ADGRL3: variants seen among roughly 807,000 people sequenced by gnomAD.
ADGRL3 encodes the protein calcium-independent alpha-latrotoxin receptor 3.
Under a neutral mutation model 153.5 loss-of-function variants are expected in ADGRL3, and 62 were observed. The observed-to-expected ratio is 0.40, with a 90% CI of 0.33 to 0.50. The LOEUF is 0.50. Ranked by LOEUF, ADGRL3 falls within the 20% of genes least tolerant of loss-of-function variation. The probability of loss-of-function intolerance (pLI) is 0.47; values close to 1 mark genes in which losing one functional copy is unlikely to be tolerated. For synonymous variants in ADGRL3, 710 were observed against 672.5 expected, an observed-to-expected ratio of 1.06 and a Z score of -0.86; for missense variants, 1,641 against 1,859.4, an observed-to-expected ratio of 0.88 and a Z score of 2.16.
chr4:61,908,279 C>A (rs1460635284), intron 11 of ADGRL3, among the ~76,000 whole-genome samples: 1 of 151,870 alleles, frequency 6.6e-6, no homozygotes. Context: ...GACAGTGAGA[C>A]CCTGTCTTAC....
intron 1 of ADGRL3, among the ~76,000 whole-genome samples, chr4:61,238,287 C>T (rs1753592017): frequency 6.6e-6 from 1 of 152,134 alleles, no homozygotes; most frequent in Admixed American, 6.6e-5. Flanking sequence ...TGTGGTACTA[C>T]ATTTTAACAA....
intron 17 of ADGRL3, among the ~76,000 whole-genome samples, chr4:61,966,043 A>T (rs2099005293): frequency 6.6e-6 from 1 of 152,208 alleles, no homozygotes; most frequent in African/African-American, 2.4e-5. Context: ...TCTGCTTAAA[A>T]TGCAATACAT....
At chr4:61,467,800 T>C (rs1343617697) in intron 2 of ADGRL3, among the ~76,000 whole-genome samples, 1 of 152,154 alleles carries the variant, frequency 6.6e-6, no homozygotes. Context: ...CCTAACTACA[T>C]CATATTACTT....
intron 1 of ADGRL3, among the ~76,000 whole-genome samples, chr4:61,328,986 C>T (rs2095518776): frequency 6.6e-6 from 1 of 152,036 alleles, no homozygotes; most frequent in African/African-American, 2.4e-5. Context: ...TTAGGACTGA[C>T]CTGGTTGAAA....
At chr4:61,974,676 A>G (rs1469945817) in intron 17 of ADGRL3, among the ~76,000 whole-genome samples, 5 of 152,224 alleles carry the variant, frequency 3.3e-5, no homozygotes. Context: ...AACAATGACT[A>G]AATTGAAGTG....
chr4:62,070,478 C>G lies in ADGRL3; in HGVS notation c.4202C>G (p.Ala1401Gly). 6.4e-7 allele frequency: 1 copy of G among 1,551,518 alleles called. No individual in the cohort carries two copies. The highest frequency in any genetic ancestry group is 8.7e-7 in the Non-Finnish European group (1 of 1,146,962). Residue 1401 changes from alanine (A) to glycine (G), a missense_variant, in exon 27 of 27, where the codon GCT becomes GGT. Physicochemically the swap from Ala to Gly is moderately conservative, Grantham distance 60 (BLOSUM62 0). This residue lies in a region of ADGRL3 where 517 missense variants were observed against 555.0 expected (regional missense o/e 0.93). Coordinates refer to ENST00000683033, the MANE Select transcript of ADGRL3 (RefSeq NM_001387552.1). ...GAACTCATTCATGAGGAATCTGATG[C>G]TCCTTTGCTGCCCCCAAGAGTATAC... ...GLELIHEESD[A>G]PLLPPRVYST... is the part of the protein sequence containing the mutation.
At chr4:61,257,527 A>T (rs2092086613) in intron 1 of ADGRL3, among the ~76,000 whole-genome samples, 2 of 152,154 alleles carry the variant, frequency 1.3e-5, no homozygotes, top group Non-Finnish European at 2.9e-5. Context: ...TGTGTATTTA[A>T]GAAGATTAGG....
At chr4:61,711,480 A>G (rs2095986493) in intron 6 of ADGRL3, among the ~76,000 whole-genome samples, 1 of 103,778 alleles carries the variant, frequency 9.6e-6, no homozygotes, top group East Asian at 4.2e-4. Flanking sequence ...ATATATATAT[A>G]TATATATATA....
At chr4:61,703,528 G>A (rs1406580823) in intron 6 of ADGRL3, among the ~76,000 whole-genome samples, 1 of 151,916 alleles carries the variant, frequency 6.6e-6, no homozygotes, top group Non-Finnish European at 1.5e-5. Flanking sequence ...AATGAAAACT[G>A]CTTATTCTTT....
At chr4:61,935,850 G>A in intron 14 of ADGRL3, 73 bp from the exon 15 acceptor site, 4 of 1,344,694 alleles carry the variant, frequency 3.0e-6, no homozygotes, top group Non-Finnish European at 4.0e-6. Flanking sequence ...CAGAAATACT[G>A]CAATGGTTTA....
chr4:61,820,989 C>T (rs1210841063), intron 9 of ADGRL3, among the ~76,000 whole-genome samples: 1 of 152,092 alleles, frequency 6.6e-6, no homozygotes, highest in South Asian at 2.1e-4. Flanking sequence ...TAAGCAGAGG[C>T]ATATATTATT....
At chr4:61,718,409 C>T (rs543108991) in intron 6 of ADGRL3, among the ~76,000 whole-genome samples, 16 of 152,172 alleles carry the variant, frequency 1.1e-4, no homozygotes, top group African/African-American at 3.6e-4. Context: ...ATGAAGCAGT[C>T]GTTAAACATA....
At chr4:61,805,483 G>C (rs1488458034) in intron 8 of ADGRL3, among the ~76,000 whole-genome samples, 1 of 152,092 alleles carries the variant, frequency 6.6e-6, no homozygotes, top group African/African-American at 2.4e-5. Flanking sequence ...TACTCTTGTT[G>C]TTAGCTTCTG....
intron 2 of ADGRL3, among the ~76,000 whole-genome samples, chr4:61,478,045 T>G (rs1310210782): frequency 1.3e-5 from 2 of 152,098 alleles, no homozygotes; most frequent in Admixed American, 6.5e-5. Context: ...TAAAAATGTC[T>G]TAAAAGTCAC....
In ADGRL3 at chr4:61,492,020, A is replaced by AAAC. The variant is rs1560723269; in HGVS notation, c.-173-5099_-173-5098insCAA. ...GATTTCCCTCTATGGAACAATGAAA[A>AAAC]AAACAAACAAACAAACAAACAAACA... On this transcript the variant is annotated intron_variant, in intron 2 of 26. Transcript: ENST00000683033. Among the ~76,000 whole-genome samples, 335 of 150,686 alleles carry AAAC rather than the reference A, an allele frequency of 2.2e-3. 2 individuals are homozygous for AAAC. The highest frequency in any genetic ancestry group is 2.1e-3 in the Non-Finnish European group (141 of 67,618).
chr4:61,352,400 T>A (rs2151338170), intron 1 of ADGRL3, among the ~76,000 whole-genome samples: 1 of 152,246 alleles, frequency 6.6e-6, no homozygotes, highest in Middle Eastern at 3.4e-3. Flanking sequence ...TAACCTTTTT[T>A]TTTTTTGAGA....
At chr4:62,053,710 T>A (rs994491690) in intron 25 of ADGRL3, among the ~76,000 whole-genome samples, 2 of 151,594 alleles carry the variant, frequency 1.3e-5, no homozygotes, top group African/African-American at 4.8e-5. Flanking sequence ...TTATCAAAAA[T>A]CTCTTTATTC....
chr4:61,402,458 G>A lies in ADGRL3; in HGVS notation c.-174+19269G>A, dbSNP rs556550885. On this transcript the variant is annotated intron_variant, in intron 2 of 26. Transcript: ENST00000683033. ...TAAGTAGCACTGTTTTAACACATAC[G>A]AATTTTATTCAAGTTGAGAGCTAGA... Among the ~76,000 whole-genome samples, 47 of 152,098 alleles carry A rather than the reference G, an allele frequency of 3.1e-4. No homozygotes were observed. The Middle Eastern group carries it at 0.01, about 33-fold the overall frequency.
chr4:61,419,233 A>T (rs1204656029), intron 2 of ADGRL3, among the ~76,000 whole-genome samples: 1 of 150,886 alleles, frequency 6.6e-6, no homozygotes, highest in Admixed American at 6.6e-5. Context: ...AAGTGAGTTA[A>T]GTTCCTAAGG....
Sources: gnomAD v4.1 joint callset for allele counts (sites outside exome capture counted in the v4.1 genomes callset) on GRCh38, gnomAD v4.1.1 for gene constraint, gnomAD v4.1.1 regional missense constraint, MANE v1.5 for transcripts, NCBI Gene and HGNC (gene_info 2026-07-23, HGNC 2026-07-21) for gene names.